WWOX: variants seen among roughly 807,000 people sequenced by gnomAD.
WWOX encodes the protein WW domain containing oxidoreductase.
WWOX carries 69 observed loss-of-function variants against 46.2 expected under a neutral mutation model. The observed-to-expected ratio is 1.49, with a 90% CI of 1.23 to 1.82. The LOEUF (loss-of-function observed/expected upper bound fraction) is 1.82. WWOX is among the 40% of genes most tolerant of loss of function. WWOX has a pLI of 0.00. For missense variants in WWOX, 919 were observed against 542.6 expected (o/e 1.69, Z -6.89); for synonymous variants, 359 against 202.6 (o/e 1.77, Z -6.56).
Position 78,159,672 on chromosome 16 carries a change from G to GTT in WWOX, c.410-4489_410-4488dup, listed in dbSNP as rs35468343. Among the ~76,000 whole-genome samples the GTT allele has an allele frequency of 4.5e-3, 248 of 55,286 alleles. 2 individuals carry two copies. Among genetic ancestry groups the GTT allele is most frequent in the Middle Eastern group, 0.023 (1 of 44 alleles). The allele number at this position is 55,286 out of a possible 152,430, so 36.3% of individuals were successfully genotyped here. ...CCTTTGCTTGTTTTTAAAATCTGTG[G>GTT]TTTTTTTTTTTTTTTTTTTTTTTGC... On this transcript the variant is annotated intron_variant, in intron 4 of 8. Transcript: ENST00000566780.
rs182584987 is a variant in WWOX, at chr16:78,940,324, C to T, written c.1057-271284C>T. Among the ~76,000 whole-genome samples, 18 of 152,162 alleles carry T rather than the reference C, an allele frequency of 1.2e-4. No individual in the cohort carries two copies. The South Asian group carries it at 2.5e-3, about 21-fold the overall frequency. On this transcript the variant is annotated intron_variant, in intron 8 of 8. Transcript: ENST00000566780. ...TTTTGATTTATGAGTCGTCATTGCTCGCTATAGAAGAAGAAAAATAAATAT... is the reference window on the plus strand; with the variant it reads ...TTTTGATTTATGAGTCGTCATTGCTTGCTATAGAAGAAGAAAAATAAATAT...
chr16:78,971,280 A>G (rs1053784135), intron 8 of WWOX, among the ~76,000 whole-genome samples: 3 of 151,800 alleles, frequency 2.0e-5, no homozygotes, highest in Non-Finnish European at 4.4e-5. Context: ...CCTGGCCAAC[A>G]TGGTGAAATC....
At chr16:78,440,582 C>A (rs757796540) in intron 8 of WWOX, among the ~76,000 whole-genome samples, 33 of 151,744 alleles carry the variant, frequency 2.2e-4, no homozygotes, top group Non-Finnish European at 2.8e-4. Flanking sequence ...ACATTGAACA[C>A]AACTGCAGTT....
chr16:78,743,057 T>C (rs963010692), intron 8 of WWOX, among the ~76,000 whole-genome samples: 4 of 152,030 alleles, frequency 2.6e-5, no homozygotes, highest in African/African-American at 9.7e-5. Context: ...GCCGTGCTCA[T>C]GAACAGGAAG....
At chr16:78,785,378 G>GTT (rs1024379301) in intron 8 of WWOX, among the ~76,000 whole-genome samples, 2 of 152,192 alleles carry the variant, frequency 1.3e-5, no homozygotes, top group Admixed American at 6.5e-5. Context: ...AGTTAAGGCT[G>GTT]TTTGAGGACC....
rs1271070546 is a variant in WWOX, at chr16:78,748,597, C to T, written c.1056+315845C>T. Among the ~76,000 whole-genome samples, 4 of 152,172 alleles carry T rather than the reference C, an allele frequency of 2.6e-5. No homozygotes were observed. The East Asian group carries it at 7.7e-4, about 29-fold the overall frequency. On this transcript the variant is annotated intron_variant, in intron 8 of 8. Transcript: ENST00000566780. The stretch of plus-strand genomic sequence containing the variant: ...TTACAATACGTCCGTGATCAACATG[C>T]CCTAACTGGTTAGCAGATGGCAGCT...
intron 8 of WWOX, among the ~76,000 whole-genome samples, chr16:78,771,166 T>A (rs1026507303): frequency 6.6e-6 from 1 of 152,070 alleles, no homozygotes; most frequent in Non-Finnish European, 1.5e-5. Context: ...GGGATGGAGA[T>A]CCATTTGGAT....
At chr16:78,323,583 G>C (rs548039108) in intron 5 of WWOX, among the ~76,000 whole-genome samples, 1 of 152,150 alleles carries the variant, frequency 6.6e-6, no homozygotes, top group African/African-American at 2.4e-5. Flanking sequence ...GAACCCCACT[G>C]AGCTGTCCTC....
At chr16:78,327,522 C>T (rs2080652761) in intron 5 of WWOX, among the ~76,000 whole-genome samples, 1 of 152,128 alleles carries the variant, frequency 6.6e-6, no homozygotes, top group African/African-American at 2.4e-5. Flanking sequence ...ACATGGAGCG[C>T]TCAGCAAATA....
chr16:78,974,266 G>A (rs188247068), intron 8 of WWOX, among the ~76,000 whole-genome samples: 16 of 152,284 alleles, frequency 1.1e-4, no homozygotes, highest in East Asian at 7.7e-4. Flanking sequence ...TCTAATGACC[G>A]CACAGCACAA....
intron 8 of WWOX, among the ~76,000 whole-genome samples, chr16:79,173,122 A>C (rs2050733559): frequency 6.6e-6 from 1 of 152,258 alleles, no homozygotes; most frequent in Non-Finnish European, 1.5e-5. Flanking sequence ...ATCCATTGTT[A>C]ATCACATTTG....
intron 8 of WWOX, among the ~76,000 whole-genome samples, chr16:78,644,336 C>A (rs1475798855): frequency 2.6e-5 from 4 of 152,242 alleles, no homozygotes; most frequent in South Asian, 4.2e-4. Context: ...ACACCTACCC[C>A]ATATGTCACC....
chr16:78,439,522 GC>G (rs2083401874), intron 8 of WWOX, among the ~76,000 whole-genome samples: 1 of 152,178 alleles, frequency 6.6e-6, no homozygotes, highest in African/African-American at 2.4e-5. Flanking sequence ...TACAGTGCTT[GC>G]TTAGTCCAGT....
intron 8 of WWOX, among the ~76,000 whole-genome samples, chr16:78,739,015 G>T (rs1032800758): frequency 1.3e-5 from 2 of 152,146 alleles, no homozygotes; most frequent in Non-Finnish European, 2.9e-5. Flanking sequence ...TCAACAACTA[G>T]AAGCCATGGT....
chr16:78,455,356 C>G (rs192795302), intron 8 of WWOX, among the ~76,000 whole-genome samples: 1 of 151,892 alleles, frequency 6.6e-6, no homozygotes, highest in African/African-American at 2.4e-5. Flanking sequence ...TTTAAAAAAT[C>G]GAGGCTAGGT....
chr16:79,149,718 A>C (rs1018273593), intron 8 of WWOX, among the ~76,000 whole-genome samples: 1 of 152,200 alleles, frequency 6.6e-6, no homozygotes, highest in East Asian at 1.9e-4. Context: ...GCCACAGACT[A>C]CATTTAGGAC....
At chr16:78,893,068 C>T (rs1412553506) in intron 8 of WWOX, among the ~76,000 whole-genome samples, 1 of 152,090 alleles carries the variant, frequency 6.6e-6, no homozygotes, top group African/African-American at 2.4e-5. Flanking sequence ...CAGAGGAGCA[C>T]TGGAGTCAGG....
At chr16:79,090,710 C>A (rs1166657343) in intron 8 of WWOX, among the ~76,000 whole-genome samples, 1 of 152,184 alleles carries the variant, frequency 6.6e-6, no homozygotes, top group African/African-American at 2.4e-5. Flanking sequence ...GAGTGAGGCA[C>A]ATGCTCGGCG....
At chr16:78,362,123 C>T (rs975356227) in intron 5 of WWOX, among the ~76,000 whole-genome samples, 5 of 151,766 alleles carry the variant, frequency 3.3e-5, no homozygotes, top group Non-Finnish European at 7.4e-5. Context: ...TTTTTATGTC[C>T]GGTGGCCATA....
Sources: gnomAD v4.1 joint callset for allele counts (sites outside exome capture counted in the v4.1 genomes callset) on GRCh38, gnomAD v4.1.1 for gene constraint, MANE v1.5 for transcripts, NCBI Gene and HGNC (gene_info 2026-07-23, HGNC 2026-07-21) for gene names.